The following PCDH15 variants were observed in gnomAD, a reference collection of about 807,000 sequenced individuals.
PCDH15 encodes the protein protocadherin-15.
In PCDH15, 129 loss-of-function variants were observed where a neutral mutation model predicts 178.5. The ratio of observed to expected loss-of-function variants is 0.72; its 90% confidence interval spans 0.63 to 0.84. The LOEUF (loss-of-function observed/expected upper bound fraction) is 0.84, where lower values mean the gene tolerates loss of function less well. PCDH15 is among the 40% of genes least tolerant of loss of function. The pLI is 0.00. For synonymous variants in PCDH15, 800 were observed against 732.0 expected, an observed-to-expected ratio of 1.09 and a Z score of -1.50; for missense variants, 2,230 against 2,099.9, an observed-to-expected ratio of 1.06 and a Z score of -1.21.
intron 26 of PCDH15, among the ~76,000 whole-genome samples, chr10:53,897,286 A>T (rs2082015730): frequency 6.6e-6 from 1 of 152,096 alleles, no homozygotes; most frequent in Admixed American, 6.5e-5. Context: ...TTTATGAAAT[A>T]AAATGTTTAA....
In PCDH15 at chr10:55,225,846, A is replaced by G. The variant is rs183733082; in HGVS notation, c.-155-59195T>C. Among the ~76,000 whole-genome samples, 578 of 152,040 alleles carry G rather than the reference A, an allele frequency of 3.8e-3. 4 individuals are homozygous for G. Among genetic ancestry groups the G allele is most frequent in the Non-Finnish European group, 3.3e-3 (224 of 68,006 alleles). ...TTTACTGTTTAAGTAAAGAGAGAAA[A>G]TTTACTCCTTTGCAATGTTGAAGCT... On this transcript the variant is annotated intron_variant, in intron 1 of 5. Transcript: ENST00000458638.
At chr10:53,845,398 T>A (rs561872402) in intron 28 of PCDH15, among the ~76,000 whole-genome samples, 1 of 151,760 alleles carries the variant, frequency 6.6e-6, no homozygotes, top group Non-Finnish European at 1.5e-5. Flanking sequence ...AGAAAGAAAA[T>A]CAATATATTG....
chr10:53,927,820 T>C (rs946327194), intron 25 of PCDH15, among the ~76,000 whole-genome samples: 2 of 152,126 alleles, frequency 1.3e-5, no homozygotes, highest in South Asian at 2.1e-4. Flanking sequence ...CAAAATAAAA[T>C]TGAATAATAC....
At chr10:55,547,017 A>T (rs1043426526) in intron 2 of PCDH15, among the ~76,000 whole-genome samples, 1 of 152,140 alleles carries the variant, frequency 6.6e-6, no homozygotes, top group African/African-American at 2.4e-5. Flanking sequence ...AAGAAAAAAA[A>T]AATCTCAGAA....
intron 1 of PCDH15, among the ~76,000 whole-genome samples, chr10:55,276,385 G>T (rs1842596552): frequency 6.6e-6 from 1 of 150,902 alleles, no homozygotes. Flanking sequence ...TGAATTTATG[G>T]AATTTTCATA....
At chr10:53,874,408 C>T (rs749912755) in intron 26 of PCDH15, among the ~76,000 whole-genome samples, 15 of 152,108 alleles carry the variant, frequency 9.9e-5, no homozygotes, top group South Asian at 2.1e-4. Context: ...GAATCTAGGA[C>T]GAAATACAGC....
At chr10:54,558,409 G>GT (rs1253410373) in intron 2 of PCDH15, among the ~76,000 whole-genome samples, 1 of 152,038 alleles carries the variant, frequency 6.6e-6, no homozygotes, top group African/African-American at 2.4e-5. Flanking sequence ...GAGGCTGCTT[G>GT]TTTCCACATG....
intron 2 of PCDH15, among the ~76,000 whole-genome samples, chr10:55,404,658 G>T (rs1283638575): frequency 6.6e-6 from 1 of 151,758 alleles, no homozygotes; most frequent in Non-Finnish European, 1.5e-5. Context: ...GCAAATATCT[G>T]GCGAATGTCA....
chr10:55,371,388 G>C (rs543878541), intron 2 of PCDH15, among the ~76,000 whole-genome samples: 2 of 151,992 alleles, frequency 1.3e-5, no homozygotes, highest in Non-Finnish European at 2.9e-5. Flanking sequence ...GATTCTGAAG[G>C]ATGCTAAAAA....
intron 18 of PCDH15, among the ~76,000 whole-genome samples, chr10:54,057,677 G>A (rs2093925817): frequency 6.6e-6 from 1 of 152,144 alleles, no homozygotes; most frequent in African/African-American, 2.4e-5. Context: ...CCATTGTCTT[G>A]GTGATTAGCA....
chr10:55,215,572 T>C (rs1591995278), intron 1 of PCDH15, among the ~76,000 whole-genome samples: 1 of 152,078 alleles, frequency 6.6e-6, no homozygotes, highest in African/African-American at 2.4e-5. Context: ...TTTAAGACTG[T>C]ATTAGGTAGA....
At chr10:53,817,857 A>C (rs2076121754) in intron 34 of PCDH15, 138 bp downstream of exon 34, 3 of 392,476 alleles carry the variant, frequency 7.6e-6, no homozygotes, top group Middle Eastern at 6.4e-4. Flanking sequence ...AAAGAAAATA[A>C]ATAGCATAAC....
chr10:55,493,498 TACCACTGA>T (rs1840467750), intron 2 of PCDH15, among the ~76,000 whole-genome samples: 2 of 150,878 alleles, frequency 1.3e-5, no homozygotes, highest in East Asian at 2.0e-4. Flanking sequence ...GCCATGATCA[TACCACTGA>T]ACTCCAGCCT....
At chr10:55,059,804 C>T (rs1050384064) in intron 2 of PCDH15, among the ~76,000 whole-genome samples, 7 of 152,090 alleles carry the variant, frequency 4.6e-5, no homozygotes, top group Middle Eastern at 3.4e-3. Context: ...GCTGGACATA[C>T]AATAAGCACC....
chr10:54,796,691 G>A (rs1002043939), intron 1 of PCDH15, among the ~76,000 whole-genome samples: 1 of 151,360 alleles, frequency 6.6e-6, no homozygotes. Flanking sequence ...TTTTCCCTGT[G>A]AGTCTCTCTC....
intron 3 of PCDH15, among the ~76,000 whole-genome samples, chr10:54,483,032 T>C (rs1435793276): frequency 6.6e-6 from 1 of 151,764 alleles, no homozygotes; most frequent in African/African-American, 2.4e-5. Context: ...GGCAGACTAA[T>C]AAAAGATAAC....
At chr10:53,858,940 G>A (rs1237466200) in intron 27 of PCDH15, among the ~76,000 whole-genome samples, 3 of 152,026 alleles carry the variant, frequency 2.0e-5, no homozygotes, top group Admixed American at 1.3e-4. Flanking sequence ...AAAATTACAT[G>A]ATAAAAATTT....
At chr10:54,725,460 T>C (rs1942342969) in intron 1 of PCDH15, among the ~76,000 whole-genome samples, 1 of 148,562 alleles carries the variant, frequency 6.7e-6, no homozygotes, top group Non-Finnish European at 1.5e-5. Flanking sequence ...AAGGATCACT[T>C]GAACTCAGAA....
chr10:55,344,591 G>A (rs1433939382), intron 2 of PCDH15, among the ~76,000 whole-genome samples: 8 of 152,050 alleles, frequency 5.3e-5, no homozygotes, highest in Non-Finnish European at 1.2e-4. Context: ...GCAACTAGTA[G>A]GAGGGAATAG....
Sources: allele counts gnomAD v4.1 joint callset (sites outside exome capture counted in the v4.1 genomes callset), GRCh38; gene constraint gnomAD v4.1.1; transcripts MANE v1.5; gene names NCBI Gene and HGNC (gene_info 2026-07-23, HGNC 2026-07-21).